Variants in GALNT17 observed in about 807,000 individuals in gnomAD.
GALNT17 encodes the protein polypeptide N-acetylgalactosaminyltransferase 17.
Under a neutral mutation model 63.7 loss-of-function variants are expected in GALNT17, and 29 were observed. That is an observed-to-expected ratio of 0.46 (90% confidence interval 0.34 to 0.62). GALNT17 has a LOEUF of 0.62. Among genes scored for constraint, GALNT17 ranks in the 20% least tolerant of loss-of-function variants. GALNT17 has a pLI of 0.01. For missense variants in GALNT17, 603 were observed against 799.6 expected (o/e 0.75, Z 2.97); for synonymous variants, 305 against 318.3 (o/e 0.96, Z 0.45).
At chr7:71,443,130 G>A (rs1787098584) in intron 5 of GALNT17, among the ~76,000 whole-genome samples, 1 of 152,132 alleles carries the variant, frequency 6.6e-6, no homozygotes, top group Non-Finnish European at 1.5e-5. Context: ...ATGACTCAGG[G>A]CAGGTTACAG....
chr7:71,168,731 GT>G (rs1417125593), intron 1 of GALNT17, among the ~76,000 whole-genome samples: 9 of 151,878 alleles, frequency 5.9e-5, no homozygotes, highest in South Asian at 2.1e-4. Flanking sequence ...GTGTGTGTGT[GT>G]GTGGTAAGAG....
rs567176898 is a variant in GALNT17, at chr7:71,473,482, T to C, written c.962+52377T>C. 2.6e-5 allele frequency among the ~76,000 whole-genome samples: 4 copies of C among 152,336 alleles called. No individual in the cohort carries two copies. In the South Asian group the frequency reaches 6.2e-4, roughly 24 times the overall value. On this transcript the variant is annotated intron_variant, in intron 5 of 10. Transcript: ENST00000333538. ...TTTGGATTTCCTTCAGGGTCTGGCA[T>C]GTGACACTATACCAGAGTCAGGTTG...
At chr7:71,189,469 G>T (rs534751985) in intron 1 of GALNT17, among the ~76,000 whole-genome samples, 1 of 152,156 alleles carries the variant, frequency 6.6e-6, no homozygotes, top group African/African-American at 2.4e-5. Context: ...ATGTGTAGGC[G>T]TCAGAGGGAT....
chr7:71,515,291 C>A (rs908179295), intron 5 of GALNT17, among the ~76,000 whole-genome samples: 1 of 152,158 alleles, frequency 6.6e-6, no homozygotes, highest in African/African-American at 2.4e-5. Context: ...ACATCTCCCT[C>A]AACCCTGAGT....
chr7:71,555,525 C>G (rs1270900011), intron 5 of GALNT17, among the ~76,000 whole-genome samples: 1 of 152,008 alleles, frequency 6.6e-6, no homozygotes, highest in African/African-American at 2.4e-5. Context: ...CAGGTCCCAT[C>G]AGGCCCCACC....
At position 71,689,797 on chromosome 7, in the gene GALNT17, G is replaced by A. The variant is rs114724267; in HGVS notation, c.1500+12491G>A. On this transcript the variant is annotated intron_variant, in intron 9 of 10. Coordinates refer to ENST00000333538, the MANE Select transcript of GALNT17 (RefSeq NM_022479.3). ...ATCTAGGACTTTCCCACATAGAGAG[G>A]AGAAGTCCATGCCTGGCTTCAAAGC... Among the ~76,000 whole-genome samples, 1,150 of 152,224 alleles carry A rather than the reference G, an allele frequency of 7.6e-3. 10 individuals carry two copies. The highest frequency in any genetic ancestry group is 0.026 in the African/African-American group (1,076 of 41,534).
intron 6 of GALNT17, among the ~76,000 whole-genome samples, chr7:71,603,072 A>G (rs1789990149): frequency 6.6e-6 from 1 of 152,134 alleles, no homozygotes; most frequent in Admixed American, 6.5e-5. Flanking sequence ...TACTATGCTA[A>G]GTGCATACAC....
At chr7:71,407,240 A>C (rs970769973) in intron 3 of GALNT17, among the ~76,000 whole-genome samples, 1 of 152,182 alleles carries the variant, frequency 6.6e-6, no homozygotes, top group African/African-American at 2.4e-5. Context: ...GCTTCCAGAC[A>C]GAGGTAGACT....
At chr7:71,546,324 CT>C (rs1788984794) in intron 5 of GALNT17, among the ~76,000 whole-genome samples, 1 of 151,980 alleles carries the variant, frequency 6.6e-6, no homozygotes, top group South Asian at 2.1e-4. Flanking sequence ...CCACTCCTGG[CT>C]AATTTTTATA....
intron 1 of GALNT17, among the ~76,000 whole-genome samples, chr7:71,135,064 C>T (rs1195582105): frequency 3.3e-5 from 5 of 151,944 alleles, no homozygotes; most frequent in African/African-American, 1.2e-4. Flanking sequence ...GTTGTCCAGG[C>T]TGGTCTCGAA....
At chr7:71,544,634 T>C (rs1788951683) in intron 5 of GALNT17, among the ~76,000 whole-genome samples, 1 of 152,118 alleles carries the variant, frequency 6.6e-6, no homozygotes, top group African/African-American at 2.4e-5. Context: ...AATAGCTTTC[T>C]TGCCTGGGGG....
chr7:71,135,024 T>A (rs1363030125), intron 1 of GALNT17, among the ~76,000 whole-genome samples: 1 of 151,834 alleles, frequency 6.6e-6, no homozygotes, highest in African/African-American at 2.4e-5. Flanking sequence ...TCTAATTTTT[T>A]AATTTTTTGT....
At chr7:71,591,387 G>A (rs10950270) in intron 6 of GALNT17, among the ~76,000 whole-genome samples, 132,996 of 152,110 alleles carry the variant, frequency 0.87, 59,348 homozygotes, top group East Asian at 1. Flanking sequence ...AAATCACAAG[G>A]AACAGCTGTA....
At chr7:71,389,245 T>A (rs1402834974) in intron 3 of GALNT17, among the ~76,000 whole-genome samples, 1 of 152,050 alleles carries the variant, frequency 6.6e-6, no homozygotes, top group Non-Finnish European at 1.5e-5. Flanking sequence ...GCGATTTTCC[T>A]GCCTTAGCCT....
chr7:71,401,224 G>T (rs1793234274), intron 3 of GALNT17, among the ~76,000 whole-genome samples: 1 of 151,462 alleles, frequency 6.6e-6, no homozygotes, highest in Non-Finnish European at 1.5e-5. Context: ...AGCCTCCCGA[G>T]TAGCTGCAAT....
intron 6 of GALNT17, among the ~76,000 whole-genome samples, chr7:71,615,658 A>T (rs1421612797): frequency 6.6e-6 from 1 of 151,844 alleles, no homozygotes; most frequent in African/African-American, 2.4e-5. Context: ...TTGTATTTTT[A>T]GTAGAGACAG....
intron 9 of GALNT17, among the ~76,000 whole-genome samples, chr7:71,688,608 C>T (rs1257164985): frequency 6.6e-6 from 1 of 152,176 alleles, no homozygotes; most frequent in Non-Finnish European, 1.5e-5. Context: ...TAAATATTTC[C>T]TGCTGATGTA....
intron 6 of GALNT17, among the ~76,000 whole-genome samples, chr7:71,615,273 G>C (rs889448037): frequency 6.6e-6 from 1 of 152,036 alleles, no homozygotes; most frequent in Admixed American, 6.6e-5. Context: ...ATCCAGACTG[G>C]CTTCCACTCT....
intron 1 of GALNT17, among the ~76,000 whole-genome samples, chr7:71,143,366 G>T (rs151103648): frequency 7.1e-6 from 1 of 141,828 alleles, no homozygotes; most frequent in Admixed American, 7.6e-5. Flanking sequence ...AGGTTGCAGT[G>T]AGATGAGATC....
Sources: allele counts gnomAD v4.1 joint callset (sites outside exome capture counted in the v4.1 genomes callset), GRCh38; gene constraint gnomAD v4.1.1; transcripts MANE v1.5; gene names NCBI Gene and HGNC (gene_info 2026-07-23, HGNC 2026-07-21).